EML6: variants seen among roughly 807,000 people sequenced by gnomAD.
EML6 encodes EMAP like 6, also known as echinoderm microtubule-associated protein-like 6.
In EML6, 154 loss-of-function variants were observed where a neutral mutation model predicts 240.1. The observed-to-expected ratio is 0.64, with a 90% CI of 0.56 to 0.73. The LOEUF is 0.73. EML6 is among the 30% of genes least tolerant of loss of function. EML6 has a pLI of 0.00. For synonymous variants in EML6, 1,148 were observed against 899.0 expected (o/e 1.28, Z -4.95); for missense variants, 2,964 against 2,474.6 (o/e 1.20, Z -4.20).
At chr2:54,805,178 C>T (rs1191099468) in intron 2 of EML6, among the ~76,000 whole-genome samples, 1 of 152,136 alleles carries the variant, frequency 6.6e-6, no homozygotes, top group African/African-American at 2.4e-5. Flanking sequence ...AGAACAATTC[C>T]ATTGCATGAA....
At position 54,725,424 on chromosome 2, in the gene EML6, C is replaced by T. The variant is rs541698301; in HGVS notation, c.197+166C>T. Among the ~76,000 whole-genome samples the T allele has an allele frequency of 6.6e-6, 1 of 152,174 alleles. No homozygotes were observed. The highest frequency in any genetic ancestry group is 2.4e-5 in the African/African-American group (1 of 41,434). On this transcript the variant is annotated intron_variant, in intron 2 of 41. Transcript: ENST00000356458. This position sits in a 1 kb window ranked among gnomAD's most constrained non-coding sequence, Gnocchi z 4.3. ...GCTGATTCTAGGGCCAGGGCAGAAA[C>T]AGTGTGGGGAGTGTAGGTGAGGAGG...
In EML6 at chr2:54,899,767, C is replaced by A. The variant is rs1409200355; in HGVS notation, c.3109C>A (p.Arg1037=). Reference sequence around the variant, plus strand: ...TGCCCAGCACCGTATGCTGGCAGTACGGAAACTCAAAAAAGGTACATAACA... The same window carrying A: ...TGCCCAGCACCGTATGCTGGCAGTAAGGAAACTCAAAAAAGGTACATAACA... ...LSAQHRMLAV[R]KLKKGGRCCA... Residue 1037 remains arginine (R), a synonymous_variant, in exon 22 of 42, where the codon CGG becomes AGG. Coordinates refer to ENST00000356458, the MANE Select transcript of EML6 (RefSeq NM_001039753.4). 9.0e-6 allele frequency: 14 copies of A among 1,549,836 alleles called. No individual in the cohort carries two copies. Among genetic ancestry groups the A allele is most frequent in the Middle Eastern group, 1.7e-4 (1 of 5,994 alleles).
intron 11 of EML6, among the ~76,000 whole-genome samples, chr2:54,859,297 A>AGGTTCG (rs1670551595): frequency 6.6e-6 from 1 of 152,238 alleles, no homozygotes; most frequent in African/African-American, 2.4e-5. Context: ...GAACAGGTTC[A>AGGTTCG]GATGTGTCTT....
chr2:54,903,761 G>C lies in EML6; in HGVS notation c.3409+259G>C, dbSNP rs549889237. ...AGTTTTAAGACAGTTAAAGATACAT[G>C]ATGCCTTTTGTTATCATAGCAAGCC... On this transcript the variant is annotated intron_variant, in intron 24 of 41. Transcript: ENST00000356458. 9.4e-4 allele frequency among the ~76,000 whole-genome samples: 143 copies of C among 152,286 alleles called. No individual in the cohort carries two copies. In the Middle Eastern group the frequency reaches 0.014, roughly 14 times the overall value.
rs552736978 is a variant in EML6 at position 54,887,660 on chromosome 2, G to T, written c.2439-3394G>T. Among the ~76,000 whole-genome samples, 109 of 152,240 alleles carry T rather than the reference G, an allele frequency of 7.2e-4. 4 individuals carry two copies. The South Asian group carries it at 8.1e-3, about 11-fold the overall frequency. On this transcript the variant is annotated intron_variant, in intron 17 of 41. Transcript: ENST00000356458. Reference sequence around the variant, plus strand: ...TCTTTTATATTTAAGTCTCTAAATAGTTTAGAATCTATCCTAGTATCTGAG... The same window carrying T: ...TCTTTTATATTTAAGTCTCTAAATATTTTAGAATCTATCCTAGTATCTGAG...
intron 2 of EML6, among the ~76,000 whole-genome samples, chr2:54,790,954 T>C (rs1669413038): frequency 6.6e-6 from 1 of 151,972 alleles, no homozygotes; most frequent in Non-Finnish European, 1.5e-5. Context: ...CTCGATCTCC[T>C]GACCTCGTGA....
intron 2 of EML6, among the ~76,000 whole-genome samples, chr2:54,796,236 G>T (rs1669764150): frequency 6.6e-6 from 1 of 151,966 alleles, no homozygotes; most frequent in African/African-American, 2.4e-5. Flanking sequence ...AATCTCCTTG[G>T]GAATAAGTCT....
chr2:54,851,272 G>A (rs991907110), intron 10 of EML6, among the ~76,000 whole-genome samples: 4 of 152,140 alleles, frequency 2.6e-5, no homozygotes, highest in African/African-American at 9.7e-5. Context: ...AATCAGCCAG[G>A]CGCGGTGGCG....
intron 2 of EML6, among the ~76,000 whole-genome samples, chr2:54,753,681 T>C: frequency 8.0e-6 from 1 of 124,502 alleles, no homozygotes; most frequent in South Asian, 2.6e-4. Context: ...TTTTTTTTTT[T>C]GAGAGACTGG....
chr2:54,836,390 G>T (rs1572975507), intron 7 of EML6, among the ~76,000 whole-genome samples: 1 of 152,172 alleles, frequency 6.6e-6, no homozygotes, highest in Non-Finnish European at 1.5e-5. Flanking sequence ...TAGAATTTTG[G>T]ATCCTGCGGA....
intron 16 of EML6, 95 bp from the exon 17 acceptor site, chr2:54,879,452 G>T (rs1671702447): frequency 5.1e-6 from 4 of 789,518 alleles, no homozygotes; most frequent in Non-Finnish European, 6.3e-6. Context: ...ATATTTATCA[G>T]TTCTTAAGAT....
intron 2 of EML6, among the ~76,000 whole-genome samples, chr2:54,802,671 A>ACTACTACTG (rs1553381907): frequency 5.7e-5 from 8 of 139,980 alleles, no homozygotes; most frequent in African/African-American, 1.9e-4. Flanking sequence ...TACTACTGCT[A>ACTACTACTG]CTACTACTAC....
At chr2:54,876,439 A>AT (rs1278985987) in intron 16 of EML6, among the ~76,000 whole-genome samples, 1 of 152,204 alleles carries the variant, frequency 6.6e-6, no homozygotes, top group African/African-American at 2.4e-5. Flanking sequence ...GAAAGGTGGT[A>AT]TAACAGTGAG....
intron 6 of EML6, 142 bp downstream of exon 6, chr2:54,827,893 C>A: frequency 1.6e-6 from 1 of 616,268 alleles, no homozygotes; most frequent in East Asian, 2.8e-5. Context: ...TCCCATATTA[C>A]ATTTGCTCAC....
intron 2 of EML6, among the ~76,000 whole-genome samples, chr2:54,809,475 T>C (rs1462311462): frequency 6.6e-6 from 1 of 152,104 alleles, no homozygotes; most frequent in Non-Finnish European, 1.5e-5. Flanking sequence ...CCCTCAATTA[T>C]ATGCAAAGAC....
chr2:54,801,334 A>AAGG (rs1553381476), intron 2 of EML6, among the ~76,000 whole-genome samples: 1 of 151,430 alleles, frequency 6.6e-6, no homozygotes. Context: ...AAAAAAAAAA[A>AAGG]GGTTTCTCAT....
At chr2:54,743,515 G>T (rs903564305) in intron 2 of EML6, among the ~76,000 whole-genome samples, 1 of 152,132 alleles carries the variant, frequency 6.6e-6, no homozygotes, top group Non-Finnish European at 1.5e-5. Flanking sequence ...ATAGTTACAT[G>T]GCTAGTAACC....
At chr2:54,917,119 G>T (rs193249813) in intron 26 of EML6, among the ~76,000 whole-genome samples, 184 bp downstream of exon 26, 1 of 152,024 alleles carries the variant, frequency 6.6e-6, no homozygotes, top group Admixed American at 6.5e-5. Context: ...AATTCTCATG[G>T]CATAGAATTC....
chr2:54,782,937 T>C (rs1668914370), intron 2 of EML6, among the ~76,000 whole-genome samples: 1 of 152,186 alleles, frequency 6.6e-6, no homozygotes, highest in Non-Finnish European at 1.5e-5. Flanking sequence ...CTGGGATGAT[T>C]AAATAATCTG....
Sources: allele counts gnomAD v4.1 joint callset (sites outside exome capture counted in the v4.1 genomes callset), GRCh38; gene constraint gnomAD v4.1.1; non-coding constraint Gnocchi (gnomAD v3.1); transcripts MANE v1.5; gene names NCBI Gene and HGNC (gene_info 2026-07-23, HGNC 2026-07-21).